The following PKNOX1 variants were observed in gnomAD, a reference collection of about 807,000 sequenced individuals.
PKNOX1 encodes PBX/knotted 1 homeobox 1.
In PKNOX1, 15 loss-of-function variants were observed where a neutral mutation model predicts 51.9. The ratio of observed to expected loss-of-function variants is 0.29; its 90% confidence interval spans 0.19 to 0.45. The LOEUF is 0.45. Among genes scored for constraint, PKNOX1 ranks in the 20% least tolerant of loss-of-function variants. The probability of loss-of-function intolerance (pLI) is 1.00; values close to 1 mark genes in which losing one functional copy is unlikely to be tolerated. For synonymous variants in PKNOX1, 219 were observed against 211.1 expected (o/e 1.04, Z -0.32); for missense variants, 462 against 547.5 (o/e 0.84, Z 1.56).
chr21:42,987,891 T>C (rs1415834227), intron 1 of PKNOX1, among the ~76,000 whole-genome samples: 1 of 151,968 alleles, frequency 6.6e-6, no homozygotes, highest in African/African-American at 2.4e-5. Flanking sequence ...GTGCTGGGAT[T>C]ACAGGCGTGA....
In PKNOX1 at chr21:43,028,723, A is replaced by C; in HGVS notation, c.948A>C (p.Arg316=). The C allele has an allele frequency of 6.2e-7, 1 of 1,614,104 alleles. No homozygotes were observed. The highest frequency in any genetic ancestry group is 8.5e-7 in the Non-Finnish European group (1 of 1,180,026). ...VNNWFINARR[R]ILQPMLDSSC... ...CCAGGTTCATCAATGCCAGAAGACG[A>C]ATTCTTCAGCCAATGTTGGATTCAA... Residue 316 remains arginine, a synonymous_variant, in exon 10 of 11, where the codon CGA becomes CGC. Transcript: ENST00000291547.
chr21:43,012,051 G>A (rs1201396861), intron 4 of PKNOX1, among the ~76,000 whole-genome samples: 1 of 152,196 alleles, frequency 6.6e-6, no homozygotes, highest in African/African-American at 2.4e-5. Flanking sequence ...GCCTAGCAGA[G>A]TTTGACACTC....
At chr21:43,026,300 T>G (rs900780459) in intron 9 of PKNOX1, among the ~76,000 whole-genome samples, 1 of 152,374 alleles carries the variant, frequency 6.6e-6, no homozygotes, top group South Asian at 2.1e-4. Context: ...ATAATATAAC[T>G]TAAAAATTCC....
chr21:43,009,899 A>G (rs1157795174), intron 3 of PKNOX1, among the ~76,000 whole-genome samples, 154 bp from the exon 4 acceptor site: 1 of 152,170 alleles, frequency 6.6e-6, no homozygotes, highest in African/African-American at 2.4e-5. Context: ...CAACTGTAAA[A>G]ACCGTTGAAT....
At chr21:42,978,071 T>A (rs2059006680) in intron 1 of PKNOX1, among the ~76,000 whole-genome samples, 1 of 152,148 alleles carries the variant, frequency 6.6e-6, no homozygotes, top group African/African-American at 2.4e-5. Flanking sequence ...AGTGGTATGA[T>A]CATGGCTCAC....
chr21:42,984,982 T>C (rs1259011546), intron 1 of PKNOX1, among the ~76,000 whole-genome samples: 11 of 126,422 alleles, frequency 8.7e-5, no homozygotes, highest in Non-Finnish European at 1.7e-4. Context: ...TTCTTTTTTT[T>C]TTTTTTTTTT....
intron 7 of PKNOX1, among the ~76,000 whole-genome samples, chr21:43,020,154 A>C (rs1425097501): frequency 6.6e-6 from 1 of 151,988 alleles, no homozygotes; most frequent in Non-Finnish European, 1.5e-5. Context: ...GCTGGTCTTG[A>C]ACTCCTGGGC....
chr21:43,019,095 A>G (rs1443660049), intron 7 of PKNOX1, among the ~76,000 whole-genome samples: 1 of 150,648 alleles, frequency 6.6e-6, no homozygotes, highest in Non-Finnish European at 1.5e-5. Flanking sequence ...AAAAAAAAAA[A>G]AAAAACATTG....
rs937849458 is a variant in PKNOX1 at position 42,988,488 on chromosome 21, A to G, written c.-57+13824A>G. On this transcript the variant is annotated intron_variant, in intron 1 of 10. Coordinates refer to ENST00000291547, the MANE Select transcript of PKNOX1 (RefSeq NM_004571.5). The stretch of plus-strand genomic sequence containing the variant: ...TTCAGCTGACTCATGCCTTGCTGTG[A>G]TTGGTATACAGTATTGTCTATGTAA... Among the ~76,000 whole-genome samples the G allele has an allele frequency of 3.3e-5, 5 of 152,150 alleles. No homozygotes were observed. In the East Asian group the frequency reaches 5.8e-4, roughly 18 times the overall value.
intron 1 of PKNOX1, among the ~76,000 whole-genome samples, chr21:42,989,928 G>A (rs981495435): frequency 2.0e-5 from 3 of 152,116 alleles, no homozygotes; most frequent in South Asian, 2.1e-4. Context: ...GCAAAACCCT[G>A]TCTCTACAAA....
rs1980337555 is a variant in PKNOX1, at chr21:43,032,852, T to C, written c.*2751T>C. ...TTAACCTCTCTGCAATGGGTGCTTT[T>C]AACTAGCTTCTACATGGCAAGCTGT... On this transcript the variant is annotated 3_prime_UTR_variant, in exon 11 of 11. Transcript: ENST00000291547. 1 of 152,250 alleles carries C rather than the reference T, an allele frequency of 6.6e-6. No individual in the cohort carries two copies. Among genetic ancestry groups the C allele is most frequent in the African/African-American group, 2.4e-5 (1 of 41,456 alleles). 9.4% of individuals were successfully genotyped at this position (152,250 alleles called of 1,614,324 possible). A position where few individuals can be genotyped will look rare whatever the true frequency, so the allele number is the denominator to read the frequency against.
chr21:43,030,258 C>G lies in PKNOX1; in HGVS notation c.*157C>G. On this transcript the variant is annotated 3_prime_UTR_variant, in exon 11 of 11. Transcript: ENST00000291547. ...TCTTTGCCGGTGCAGCGACTTCTTTCAAGTGTGTGTGTGTGTGTGTGTGTG... is the reference window on the plus strand; with the variant it reads ...TCTTTGCCGGTGCAGCGACTTCTTTGAAGTGTGTGTGTGTGTGTGTGTGTG... The G allele has an allele frequency of 1.8e-6, 1 of 550,060 alleles. No homozygotes were observed. Among genetic ancestry groups the G allele is most frequent in the Admixed American group, 3.8e-5 (1 of 26,418 alleles). The allele number at this position is 550,060 out of a possible 1,614,324, so 34.1% of individuals were successfully genotyped here.
chr21:43,009,483 G>A (rs1468966365), intron 3 of PKNOX1, among the ~76,000 whole-genome samples: 2 of 151,514 alleles, frequency 1.3e-5, no homozygotes, highest in Non-Finnish European at 2.9e-5. Context: ...CATGGCGGGT[G>A]CCTGTAGTCC....
Position 43,032,102 on chromosome 21 carries a change from T to G in PKNOX1, c.*2001T>G. On this transcript the variant is annotated 3_prime_UTR_variant, in exon 11 of 11. Transcript: ENST00000291547. ...CTCGAACTCCCGACCTCAGGTGATC[T>G]GCCTGCCTCAGCCTCCCAAAGTGCT... The G allele has an allele frequency of 2.2e-6, 1 of 450,220 alleles. No individual in the cohort carries two copies. Among genetic ancestry groups the G allele is most frequent in the South Asian group, 1.6e-5 (1 of 64,174 alleles). 27.9% of individuals were successfully genotyped at this position (450,220 alleles called of 1,614,324 possible). A position where few individuals can be genotyped will look rare whatever the true frequency, so the allele number is the denominator to read the frequency against.
intron 1 of PKNOX1, among the ~76,000 whole-genome samples, chr21:43,002,454 C>T (rs1307848072): frequency 3.0e-5 from 4 of 135,070 alleles, no homozygotes; most frequent in Admixed American, 8.3e-5. Flanking sequence ...ACCCCATTGA[C>T]TGTGCCTCCT....
chr21:43,012,060 T>G (rs1459134991), intron 4 of PKNOX1, among the ~76,000 whole-genome samples: 2 of 152,172 alleles, frequency 1.3e-5, no homozygotes, highest in Non-Finnish European at 2.9e-5. Context: ...AGTTTGACAC[T>G]CCATCATTTT....
Position 43,032,188 on chromosome 21 carries a change from G to A in PKNOX1, c.*2087G>A, listed in dbSNP as rs756016952. The stretch of plus-strand genomic sequence containing the variant: ...AATGACATCTTAAAGCCACCATTGC[G>A]TTCCTCATTTGTGAACTGTCTTCTC... On this transcript the variant is annotated 3_prime_UTR_variant, in exon 11 of 11. Coordinates refer to ENST00000291547, the MANE Select transcript of PKNOX1 (RefSeq NM_004571.5). 11 of 456,000 alleles carry A rather than the reference G, an allele frequency of 2.4e-5. No individual in the cohort carries two copies. Among genetic ancestry groups the A allele is most frequent in the Middle Eastern group, 3.3e-4 (1 of 3,076 alleles). 28.2% of individuals were successfully genotyped at this position (456,000 alleles called of 1,614,324 possible).
chr21:43,021,453 C>T lies in PKNOX1; in HGVS notation c.849+22C>T. On this transcript the variant is annotated intron_variant, in intron 8 of 10. Transcript: ENST00000291547. The surrounding 1 kb of genome is among the most constrained non-coding windows in gnomAD (Gnocchi z 4.6). Reference sequence around the variant, plus strand: ...CGGGGTAAGGACGGCTGGGCCAGCCCTTGCCTTGCAGCCCTCTGCGACGCT... The same window carrying T: ...CGGGGTAAGGACGGCTGGGCCAGCCTTTGCCTTGCAGCCCTCTGCGACGCT... The T allele has an allele frequency of 6.3e-7, 1 of 1,588,166 alleles. No individual in the cohort carries two copies. Among genetic ancestry groups the T allele is most frequent in the South Asian group, 1.1e-5 (1 of 88,586 alleles).
At chr21:43,027,069 G>A (rs1568905711) in intron 9 of PKNOX1, among the ~76,000 whole-genome samples, 1 of 152,070 alleles carries the variant, frequency 6.6e-6, no homozygotes, top group Non-Finnish European at 1.5e-5. Flanking sequence ...TAGAATCTGA[G>A]TCTAAAAGTA....
Sources: allele counts gnomAD v4.1 joint callset (sites outside exome capture counted in the v4.1 genomes callset), GRCh38; gene constraint gnomAD v4.1.1; non-coding constraint Gnocchi (gnomAD v3.1); transcripts MANE v1.5; gene names NCBI Gene and HGNC (gene_info 2026-07-23, HGNC 2026-07-21).